The following SLC9A9 variants were observed in gnomAD, a reference collection of about 807,000 sequenced individuals.
SLC9A9 encodes the protein solute carrier family 9 member A9, also known as sodium/hydrogen exchanger 9.
In SLC9A9, 62 loss-of-function variants were observed where a neutral mutation model predicts 77.8. That is an observed-to-expected ratio of 0.80 (90% CI 0.65 to 0.98). SLC9A9 has a LOEUF of 0.98. Ranked by LOEUF, SLC9A9 falls within the 50% of genes least tolerant of loss-of-function variation. The probability of loss-of-function intolerance (pLI) is 0.00; values close to 1 mark genes in which losing one functional copy is unlikely to be tolerated. For missense variants in SLC9A9, 775 were observed against 774.9 expected (o/e 1.00, Z 0.00); for synonymous variants, 320 against 283.5 (o/e 1.13, Z -1.29).
chr3:143,708,514 A>G (rs906964923), intron 4 of SLC9A9, among the ~76,000 whole-genome samples: 1 of 152,018 alleles, frequency 6.6e-6, no homozygotes, highest in African/African-American at 2.4e-5. Context: ...CCATCAGAAA[A>G]CTATGTTTAA....
chr3:143,720,808 C>T (rs193121486), intron 4 of SLC9A9, among the ~76,000 whole-genome samples: 19 of 143,916 alleles, frequency 1.3e-4, no homozygotes, highest in African/African-American at 3.6e-4. Context: ...ACATTCAAAT[C>T]GCTTTTCTGG....
intron 6 of SLC9A9, among the ~76,000 whole-genome samples, chr3:143,623,613 C>G (rs2038261962): frequency 6.6e-6 from 1 of 152,032 alleles, no homozygotes; most frequent in Non-Finnish European, 1.5e-5. Flanking sequence ...ACATTCAAAG[C>G]AGTGTGTAGA....
chr3:143,337,904 C>A (rs923320579), intron 14 of SLC9A9, among the ~76,000 whole-genome samples: 3 of 152,168 alleles, frequency 2.0e-5, no homozygotes, highest in South Asian at 2.1e-4. Flanking sequence ...GGAGTGGCAC[C>A]AGTCATGGTC....
At chr3:143,831,789 G>A (rs1012439166) in intron 2 of SLC9A9, among the ~76,000 whole-genome samples, 14 of 151,880 alleles carry the variant, frequency 9.2e-5, no homozygotes, top group Admixed American at 2.0e-4. Flanking sequence ...AAACAAAAAA[G>A]AAAACCTTTC....
intron 14 of SLC9A9, among the ~76,000 whole-genome samples, chr3:143,304,225 A>T (rs994373801): frequency 2.0e-5 from 3 of 152,218 alleles, no homozygotes; most frequent in African/African-American, 4.8e-5. Context: ...TCTGCCTCTC[A>T]TACATAGGTG....
chr3:143,792,182 C>G (rs934015624), intron 4 of SLC9A9, among the ~76,000 whole-genome samples: 41 of 152,106 alleles, frequency 2.7e-4, no homozygotes, highest in Non-Finnish European at 1.3e-4. Context: ...GGGCATGATA[C>G]GTATCAAGCA....
At chr3:143,363,030 T>C (rs2032793689) in intron 14 of SLC9A9, among the ~76,000 whole-genome samples, 1 of 152,148 alleles carries the variant, frequency 6.6e-6, no homozygotes, top group African/African-American at 2.4e-5. Flanking sequence ...CACCCCTTCA[T>C]TTTTTACAGC....
At chr3:143,587,667 T>C (rs983398628) in intron 6 of SLC9A9, among the ~76,000 whole-genome samples, 1 of 151,932 alleles carries the variant, frequency 6.6e-6, no homozygotes, top group African/African-American at 2.4e-5. Context: ...CACTGGAGGG[T>C]TGGGGTAGAG....
chr3:143,363,612 T>C lies in SLC9A9; in HGVS notation c.1525-49A>G, dbSNP rs572361933. On this transcript the variant is annotated intron_variant, in intron 13 of 15. Transcript: ENST00000316549. ...GCATTGGGTAAATAGTCAAAAAGAT[T>C]TTAATATAAAAATACATGTCAAACC... 2.1e-5 allele frequency: 32 copies of C among 1,523,606 alleles called. No homozygotes were observed. The African/African-American group carries it at 4.2e-4, about 20-fold the overall frequency. The allele number at this position is 1,523,606 out of a possible 1,614,324, so 94.4% of individuals were successfully genotyped here.
chr3:143,757,641 A>G (rs1309812408), intron 4 of SLC9A9, among the ~76,000 whole-genome samples: 1 of 152,142 alleles, frequency 6.6e-6, no homozygotes, highest in Non-Finnish European at 1.5e-5. Flanking sequence ...GCCTCTTCCA[A>G]CATCTCAAAC....
intron 2 of SLC9A9, among the ~76,000 whole-genome samples, chr3:143,828,118 T>C (rs755954023): frequency 9.9e-5 from 15 of 152,188 alleles, no homozygotes; most frequent in Admixed American, 4.6e-4. Flanking sequence ...CTCTAACCAG[T>C]AGTGGGACCC....
intron 11 of SLC9A9, among the ~76,000 whole-genome samples, chr3:143,477,343 TTTTTC>T (rs1403236645): frequency 2.5e-4 from 35 of 142,100 alleles, no homozygotes; most frequent in African/African-American, 9.6e-4. Context: ...TTTTTTTTTT[TTTTTC>T]CCCCTCCCCC....
In SLC9A9 at chr3:143,807,108, C is replaced by T. The variant is rs75634767; in HGVS notation, c.379-10205G>A. On this transcript the variant is annotated intron_variant, in intron 2 of 15. Transcript: ENST00000316549. Reference sequence around the variant, plus strand: ...AGGAGATGAGTGGAGGAAACAGGATCCCAGCCAGAGCATAACACGCACAGA... The same window carrying T: ...AGGAGATGAGTGGAGGAAACAGGATTCCAGCCAGAGCATAACACGCACAGA... 9.1e-3 allele frequency among the ~76,000 whole-genome samples: 1,383 copies of T among 152,274 alleles called. 20 individuals are homozygous for T. The highest frequency in any genetic ancestry group is 0.031 in the African/African-American group (1,298 of 41,554).
At chr3:143,517,808 A>G (rs2036229660) in intron 9 of SLC9A9, 2 of 1,600,180 alleles carry the variant, frequency 1.2e-6, no homozygotes, top group Non-Finnish European at 1.7e-6. Context: ...ATTCAGCTTG[A>G]TGGCATCTGT....
chr3:143,843,829 G>A (rs2009765873), intron 1 of SLC9A9, among the ~76,000 whole-genome samples: 1 of 152,146 alleles, frequency 6.6e-6, no homozygotes, highest in East Asian at 1.9e-4. Flanking sequence ...TGCACCAGCT[G>A]CTGTCAATCA....
chr3:143,653,152 C>T (rs1052667618), intron 5 of SLC9A9, among the ~76,000 whole-genome samples: 6 of 152,324 alleles, frequency 3.9e-5, no homozygotes, highest in Non-Finnish European at 7.3e-5. Context: ...AGATCACACT[C>T]ACCCGTGAAG....
chr3:143,674,487 C>G (rs1483017277), intron 5 of SLC9A9, among the ~76,000 whole-genome samples: 2 of 152,186 alleles, frequency 1.3e-5, no homozygotes, highest in Non-Finnish European at 2.9e-5. Flanking sequence ...CATAAACACA[C>G]GAGCAGTGCC....
chr3:143,658,787 T>C (rs1483194812), intron 5 of SLC9A9, among the ~76,000 whole-genome samples: 1 of 152,134 alleles, frequency 6.6e-6, no homozygotes, highest in Non-Finnish European at 1.5e-5. Context: ...CAGAAGGTCA[T>C]GCAGTTTGGA....
intron 6 of SLC9A9, among the ~76,000 whole-genome samples, chr3:143,651,366 G>A (rs2038791012): frequency 6.6e-6 from 1 of 151,944 alleles, no homozygotes. Context: ...ATGTCAACTG[G>A]CAAAAAGAAA....
Sources: gnomAD v4.1 joint callset for allele counts (sites outside exome capture counted in the v4.1 genomes callset) on GRCh38, gnomAD v4.1.1 for gene constraint, MANE v1.5 for transcripts, NCBI Gene and HGNC (gene_info 2026-07-23, HGNC 2026-07-21) for gene names.